The following RNF157 variants were observed in gnomAD, a reference collection of about 807,000 sequenced individuals.
RNF157 encodes the protein ring finger protein 157.
Under a neutral mutation model 88.3 loss-of-function variants are expected in RNF157, and 55 were observed. The observed-to-expected ratio is 0.62, with a 90% CI of 0.50 to 0.78. The LOEUF is 0.78. RNF157 is among the 30% of genes least tolerant of loss of function. The pLI, the probability that RNF157 is intolerant of heterozygous loss-of-function variation, is 0.00. For missense variants in RNF157, 788 were observed against 860.8 expected, an observed-to-expected ratio of 0.92 and a Z score of 1.06; for synonymous variants, 334 against 341.2, an observed-to-expected ratio of 0.98 and a Z score of 0.23.
chr17:76,202,128 T>TCTCTCTCTCTCACACACA (rs1250661867), intron 2 of RNF157, among the ~76,000 whole-genome samples: 14 of 134,660 alleles, frequency 1.0e-4, no homozygotes, highest in African/African-American at 4.1e-4. Flanking sequence ...TCTCTCTCTC[T>TCTCTCTCTCTCACACACA]CACACACACA....
intron 1 of RNF157, among the ~76,000 whole-genome samples, chr17:76,217,298 C>T (rs992639760): frequency 6.6e-6 from 1 of 151,950 alleles, no homozygotes; most frequent in Admixed American, 6.6e-5. Flanking sequence ...TGTGAGCCAC[C>T]GAGCCCAGCC....
chr17:76,152,668 T>C, intron 17 of RNF157: 3 of 518,430 alleles, frequency 5.8e-6, no homozygotes, highest in Non-Finnish European at 1.0e-5. Context: ...TTCCTGCTGT[T>C]TCCCTAGAGC....
chr17:76,226,297 C>G, intron 1 of RNF157: 2 of 1,608,418 alleles, frequency 1.2e-6, no homozygotes, highest in Non-Finnish European at 8.5e-7. Context: ...GAGTGGAGGA[C>G]TGGACCCCTG....
intron 2 of RNF157, among the ~76,000 whole-genome samples, chr17:76,205,376 C>T (rs1369467435): frequency 6.6e-6 from 1 of 152,050 alleles, no homozygotes; most frequent in Admixed American, 6.6e-5. Context: ...TCAAGTGATC[C>T]TCCCGCCTCA....
intron 1 of RNF157, among the ~76,000 whole-genome samples, chr17:76,221,875 T>C (rs995421128): frequency 2.6e-5 from 4 of 152,220 alleles, no homozygotes; most frequent in Admixed American, 1.3e-4. Flanking sequence ...ACAACATGAA[T>C]GAACCTCCAA....
In RNF157 at chr17:76,158,389, T is replaced by C. The variant is rs759648061; in HGVS notation, c.1413+4A>G. The C allele has an allele frequency of 3.2e-6, 5 of 1,586,570 alleles. No homozygotes were observed. The highest frequency in any genetic ancestry group is 4.3e-6 in the Non-Finnish European group (5 of 1,155,510). On this transcript the variant is annotated splice_donor_region_variant and intron_variant, in intron 13 of 18. Coordinates refer to ENST00000269391, the MANE Select transcript of RNF157 (RefSeq NM_052916.3). ...CCCAAGAAGAGGAGAGGAATGTCAA[T>C]TACCTCTCCGAGATGCTGAACCGAC...
chr17:76,194,883 CG>C (rs2069451383), intron 2 of RNF157, among the ~76,000 whole-genome samples: 1 of 151,996 alleles, frequency 6.6e-6, no homozygotes, highest in African/African-American at 2.4e-5. Flanking sequence ...GGCGTGGTGG[CG>C]GGCGCCTGTA....
chr17:76,213,685 G>A (rs973951925), intron 1 of RNF157, among the ~76,000 whole-genome samples: 3 of 151,916 alleles, frequency 2.0e-5, no homozygotes, highest in Non-Finnish European at 2.9e-5. Context: ...TCAGGATGGC[G>A]GCTGGTCACT....
chr17:76,208,391 T>C (rs1385537233), intron 2 of RNF157, among the ~76,000 whole-genome samples: 2 of 152,336 alleles, frequency 1.3e-5, no homozygotes, highest in East Asian at 1.9e-4. Flanking sequence ...TCCTGATCCC[T>C]TACAGGCTGT....
chr17:76,149,596 C>T (rs748469219), intron 18 of RNF157, among the ~76,000 whole-genome samples: 16 of 152,152 alleles, frequency 1.1e-4, no homozygotes, highest in Non-Finnish European at 2.2e-4. Context: ...AGTTCTCCAG[C>T]AAATTTTCTG....
intron 4 of RNF157, 127 bp from the exon 5 acceptor site, chr17:76,167,253 T>C (rs1381681928): frequency 1.3e-6 from 1 of 748,008 alleles, no homozygotes; most frequent in Non-Finnish European, 2.3e-6. Context: ...GGGTCCTTTA[T>C]AATCCATTTC....
Position 76,173,777 on chromosome 17 carries a change from G to A in RNF157, c.221C>T (p.Ala74Val), listed in dbSNP as rs1163508802. 4 of 1,609,584 alleles carry A rather than the reference G, an allele frequency of 2.5e-6. No homozygotes were observed. Among genetic ancestry groups the A allele is most frequent in the Non-Finnish European group, 3.4e-6 (4 of 1,177,422 alleles). The change falls in exon 3 of 19, where the codon GCC becomes GTC. Residue 74 changes from alanine (A) to valine (V), a missense_variant. Transcript: ENST00000269391. The part of the protein sequence containing the change: ...GNRPVVFPYA[A>V]PPPQEPVKTL... ...CTTCACGGGTTCTTGGGGAGGTGGG[G>A]CGGCGTAAGGAAACTGTGTCAGAAA... is the stretch of plus-strand genomic sequence containing the variant.
intron 18 of RNF157, among the ~76,000 whole-genome samples, chr17:76,148,849 C>T (rs140912676): frequency 1.7e-4 from 26 of 152,296 alleles, no homozygotes; most frequent in Admixed American, 5.9e-4. Context: ...GGATTACAGG[C>T]GTGAGCCACT....
chr17:76,179,160 G>A (rs959177408), intron 2 of RNF157, among the ~76,000 whole-genome samples: 3 of 152,304 alleles, frequency 2.0e-5, no homozygotes, highest in South Asian at 2.1e-4. Flanking sequence ...TTGGGAGGCT[G>A]AGGCAGAAAG....
At position 76,155,331 on chromosome 17, in the gene RNF157, C is replaced by T. The variant is rs771478660; in HGVS notation, c.1699-14G>A. The T allele has an allele frequency of 5.6e-6, 9 of 1,612,590 alleles. No individual in the cohort carries two copies. The South Asian group carries it at 8.8e-5, about 16-fold the overall frequency. On this transcript the variant is annotated splice_polypyrimidine_tract_variant and intron_variant, in intron 15 of 18. Coordinates refer to ENST00000269391, the MANE Select transcript of RNF157 (RefSeq NM_052916.3). The stretch of plus-strand genomic sequence containing the variant: ...CGCTGGCAGCCCCTGCAGAAGAGCA[C>T]AGTTTTTACAGGCTCTTCCATAAAG...
intron 1 of RNF157, among the ~76,000 whole-genome samples, chr17:76,237,315 C>A (rs1052895997): frequency 2.0e-5 from 3 of 152,182 alleles, no homozygotes; most frequent in African/African-American, 7.2e-5. Flanking sequence ...TGCTTCTTTC[C>A]GAAACAACTG....
chr17:76,152,240 C>G, intron 18 of RNF157, 115 bp downstream of exon 18: 1 of 737,612 alleles, frequency 1.4e-6, no homozygotes, highest in Non-Finnish European at 2.4e-6. Flanking sequence ...TAGCACACCC[C>G]AGGCCTTCTT....
chr17:76,208,410 T>C (rs2069719129), intron 2 of RNF157, among the ~76,000 whole-genome samples: 1 of 152,184 alleles, frequency 6.6e-6, no homozygotes, highest in South Asian at 2.1e-4. Context: ...GTGCAGTCTT[T>C]AAACTCTCTG....
intron 1 of RNF157, among the ~76,000 whole-genome samples, chr17:76,238,085 C>CAA (rs555165221): frequency 4.2e-4 from 39 of 93,712 alleles, no homozygotes; most frequent in East Asian, 2.9e-3. Context: ...GACGATGACT[C>CAA]AAAAAAAAAA....
Sources: gnomAD v4.1 joint callset for allele counts (sites outside exome capture counted in the v4.1 genomes callset) on GRCh38, gnomAD v4.1.1 for gene constraint, MANE v1.5 for transcripts, NCBI Gene and HGNC (gene_info 2026-07-23, HGNC 2026-07-21) for gene names.